RNF130: variants seen among roughly 807,000 people sequenced by gnomAD.
The protein encoded by RNF130 is ring finger protein 130.
In RNF130, 21 loss-of-function variants were observed where a neutral mutation model predicts 44.6. The ratio of observed to expected loss-of-function variants is 0.47; its 90% confidence interval spans 0.33 to 0.68. The LOEUF (loss-of-function observed/expected upper bound fraction) is 0.68. Among genes scored for constraint, RNF130 ranks in the 30% least tolerant of loss-of-function variants. The pLI is 0.02. For synonymous variants in RNF130, 214 were observed against 210.4 expected (o/e 1.02, Z -0.15); for missense variants, 479 against 560.6 (o/e 0.85, Z 1.47).
intron 1 of RNF130, among the ~76,000 whole-genome samples, chr5:180,059,474 TG>T (rs1269885579): frequency 6.6e-6 from 1 of 152,226 alleles, no homozygotes; most frequent in Non-Finnish European, 1.5e-5. Context: ...CTGTCCTGTC[TG>T]GAACTCAGTA....
At chr5:180,040,411 C>T (rs1764381310) in intron 2 of RNF130, 42 bp downstream of exon 2, 1 of 1,572,558 alleles carries the variant, frequency 6.4e-7, no homozygotes, top group Admixed American at 1.7e-5. Flanking sequence ...GCAATGATTT[C>T]TAAGAAGAAA....
intron 7 of RNF130, among the ~76,000 whole-genome samples, chr5:179,949,265 C>T (rs1409690022): frequency 2.0e-5 from 3 of 150,912 alleles, no homozygotes; most frequent in African/African-American, 7.3e-5. Context: ...CGTGCCCAGA[C>T]AATTTTTTTT....
At chr5:180,030,364 A>T (rs1469954636) in intron 2 of RNF130, among the ~76,000 whole-genome samples, 1 of 152,144 alleles carries the variant, frequency 6.6e-6, no homozygotes, top group East Asian at 1.9e-4. Context: ...ACTTTTTAAA[A>T]ACAGCCTTAA....
intron 7 of RNF130, among the ~76,000 whole-genome samples, chr5:179,935,037 T>C (rs979857413): frequency 2.0e-5 from 3 of 152,248 alleles, no homozygotes; most frequent in African/African-American, 7.2e-5. Context: ...AGTTTTGATA[T>C]GTCATACTTC....
chr5:179,950,861 T>C (rs1414168210), downstream of RNF130, among the ~76,000 whole-genome samples: 1 of 152,116 alleles, frequency 6.6e-6, no homozygotes, highest in Non-Finnish European at 1.5e-5. Context: ...AGGAAAATAA[T>C]GAATCACCGT....
chr5:179,954,792 G>A (rs773334107), downstream of RNF130, among the ~76,000 whole-genome samples: 12 of 152,212 alleles, frequency 7.9e-5, no homozygotes, highest in Non-Finnish European at 1.6e-4. Context: ...GTTTTCAATA[G>A]GAATACGTTC....
rs192715827 is a variant in RNF130, at chr5:180,070,152, G to C, written c.247+1304C>G. On this transcript the variant is annotated intron_variant, in intron 1 of 8. Transcript: ENST00000521389. Reference sequence around the variant, plus strand: ...AAGAGGCTACCATTGTTAGTTGCCAGTCTGGCAACACTGTGCATCTCAACC... The same window carrying C: ...AAGAGGCTACCATTGTTAGTTGCCACTCTGGCAACACTGTGCATCTCAACC... Among the ~76,000 whole-genome samples, 233 of 152,334 alleles carry C rather than the reference G, an allele frequency of 1.5e-3. 3 individuals are homozygous for C. The highest frequency in any genetic ancestry group is 5.4e-3 in the African/African-American group (225 of 41,576).
chr5:180,024,809 G>A (rs775302204), intron 2 of RNF130, among the ~76,000 whole-genome samples: 3 of 152,092 alleles, frequency 2.0e-5, no homozygotes, highest in African/African-American at 4.8e-5. Context: ...CTCCCTTCAC[G>A]AATGAGGGGT....
chr5:179,929,431 T>C (rs1333298019), intron 7 of RNF130, among the ~76,000 whole-genome samples: 1 of 152,202 alleles, frequency 6.6e-6, no homozygotes, highest in Non-Finnish European at 1.5e-5. Flanking sequence ...TTGTTATTCT[T>C]AGCTCTTTCC....
intron 1 of RNF130, among the ~76,000 whole-genome samples, chr5:180,066,782 G>A (rs1219830014): frequency 1.3e-5 from 2 of 152,050 alleles, no homozygotes; most frequent in Non-Finnish European, 2.9e-5. Context: ...GCGGTGAGCC[G>A]AGATCGCGCC....
intron 2 of RNF130, among the ~76,000 whole-genome samples, chr5:180,031,824 C>T (rs576087062): frequency 5.1e-4 from 77 of 152,262 alleles, no homozygotes; most frequent in Non-Finnish European, 8.2e-4. Flanking sequence ...AAATAAATTG[C>T]CAAACTATTT....
chr5:179,983,256 T>C (rs1024858152), intron 3 of RNF130, among the ~76,000 whole-genome samples: 1 of 152,176 alleles, frequency 6.6e-6, no homozygotes, highest in Non-Finnish European at 1.5e-5. Context: ...CCGTTTTCTC[T>C]TCTAGAAATT....
At chr5:179,960,704 T>C (rs1368338883) in intron 8 of RNF130, among the ~76,000 whole-genome samples, 2 of 152,184 alleles carry the variant, frequency 1.3e-5, no homozygotes, top group African/African-American at 4.8e-5. Flanking sequence ...TAAACTATTC[T>C]AGTAGGTATA....
chr5:179,955,606 C>CT lies in RNF130; in HGVS notation c.*47dup. The CT allele has an allele frequency of 1.3e-6, 2 of 1,528,798 alleles. No individual in the cohort carries two copies. Among genetic ancestry groups the CT allele is most frequent in the Non-Finnish European group, 1.8e-6 (2 of 1,126,678 alleles). The allele number at this position is 1,528,798 out of a possible 1,614,324, so 94.7% of individuals were successfully genotyped here. On this transcript the variant is annotated 3_prime_UTR_variant, in exon 9 of 9. Coordinates refer to ENST00000521389, the MANE Select transcript of RNF130 (RefSeq NM_018434.6). ...GGTAAATGATGCACAAAAATAGGTTCTTTTTTCCTTCAAGGCAAAATCAGT... is the reference window on the plus strand; with the variant it reads ...GGTAAATGATGCACAAAAATAGGTTCTTTTTTTCCTTCAAGGCAAAATCAGT...
intron 6 of RNF130, among the ~76,000 whole-genome samples, chr5:179,968,021 C>G (rs879535358): frequency 3.9e-5 from 6 of 152,208 alleles, no homozygotes; most frequent in Non-Finnish European, 8.8e-5. Flanking sequence ...ACAGGCTGGG[C>G]GCGGTGGCTC....
chr5:180,012,130 A>C (rs1763608130), intron 3 of RNF130, among the ~76,000 whole-genome samples: 1 of 152,276 alleles, frequency 6.6e-6, no homozygotes, highest in African/African-American at 2.4e-5. Context: ...CAACAGGGTG[A>C]GGGGTCATGG....
At chr5:180,064,982 T>C (rs1215889909) in intron 1 of RNF130, among the ~76,000 whole-genome samples, 1 of 152,218 alleles carries the variant, frequency 6.6e-6, no homozygotes, top group Non-Finnish European at 1.5e-5. Flanking sequence ...GCTTGCTTCA[T>C]ATTTGGACCA....
intron 8 of RNF130, among the ~76,000 whole-genome samples, chr5:179,957,646 C>CTA (rs1250026943): frequency 6.6e-6 from 1 of 152,148 alleles, no homozygotes; most frequent in Non-Finnish European, 1.5e-5. Context: ...GGCCTTCTTC[C>CTA]TATGGCATCC....
intron 7 of RNF130, among the ~76,000 whole-genome samples, chr5:179,923,235 A>G (rs1761659737): frequency 6.6e-6 from 1 of 151,044 alleles, no homozygotes. Flanking sequence ...TAAGAGTTGA[A>G]GTTCATTTTT....
Sources: allele counts gnomAD v4.1 joint callset (sites outside exome capture counted in the v4.1 genomes callset), GRCh38; gene constraint gnomAD v4.1.1; transcripts MANE v1.5; gene names NCBI Gene and HGNC (gene_info 2026-07-23, HGNC 2026-07-21).